The following ADCY2 variants were observed in gnomAD, a reference collection of about 807,000 sequenced individuals.
The protein encoded by ADCY2 is adenylate cyclase type 2.
Under a neutral mutation model 125.2 loss-of-function variants are expected in ADCY2, and 31 were observed. That is an observed-to-expected ratio of 0.25 (90% CI 0.19 to 0.33). The LOEUF (loss-of-function observed/expected upper bound fraction) is 0.33, where lower values mean the gene tolerates loss of function less well. Among genes scored for constraint, ADCY2 ranks in the 10% least tolerant of loss-of-function variants. The pLI, the probability that ADCY2 is intolerant of heterozygous loss-of-function variation, is 1.00. For synonymous variants in ADCY2, 512 were observed against 548.4 expected (o/e 0.93, Z 0.93); for missense variants, 904 against 1,418.2 (o/e 0.64, Z 5.82).
chr5:7,477,876 A>G (rs555052303), intron 2 of ADCY2, among the ~76,000 whole-genome samples: 1 of 152,118 alleles, frequency 6.6e-6, no homozygotes, highest in East Asian at 1.9e-4. Context: ...ATATTTAATT[A>G]CATCAGATAT....
chr5:7,590,951 G>A (rs1736833745), intron 3 of ADCY2, among the ~76,000 whole-genome samples: 1 of 151,980 alleles, frequency 6.6e-6, no homozygotes, highest in African/African-American at 2.4e-5. Context: ...TGGAAAAAGT[G>A]GTTGCTTTTC....
chr5:7,770,490 A>G (rs551679721), intron 17 of ADCY2, among the ~76,000 whole-genome samples: 1 of 152,214 alleles, frequency 6.6e-6, no homozygotes, highest in African/African-American at 2.4e-5. Context: ...CAAAACTTAC[A>G]AAGGACTTTA....
At chr5:7,588,279 TA>T (rs1302649921) in intron 3 of ADCY2, among the ~76,000 whole-genome samples, 1 of 151,984 alleles carries the variant, frequency 6.6e-6, no homozygotes, top group African/African-American at 2.4e-5. Context: ...CTGAAACACA[TA>T]AAAAAATCCA....
At chr5:7,611,680 T>C (rs1259694732) in intron 3 of ADCY2, among the ~76,000 whole-genome samples, 2 of 152,196 alleles carry the variant, frequency 1.3e-5, no homozygotes, top group African/African-American at 4.8e-5. Context: ...AGAGTTTATT[T>C]TGACCATGAC....
At chr5:7,472,196 A>G (rs1742364902) in intron 2 of ADCY2, among the ~76,000 whole-genome samples, 2 of 152,144 alleles carry the variant, frequency 1.3e-5, no homozygotes, top group Non-Finnish European at 2.9e-5. Flanking sequence ...CTGGAATGCA[A>G]TGTTCTATTT....
chr5:7,749,266 C>T (rs1239438291), intron 15 of ADCY2, among the ~76,000 whole-genome samples: 3 of 152,074 alleles, frequency 2.0e-5, no homozygotes, highest in Admixed American at 6.5e-5. Context: ...TCTTAAAAGA[C>T]ATTTGATAAT....
Position 7,781,682 on chromosome 5 carries a change from C to G in ADCY2, c.2385-2683C>G, listed in dbSNP as rs149789545. ...GATACATTTGTGTTATTTTAAGTCA[C>G]CTAGTTTATGCTACCTCGTTATAGC... On this transcript the variant is annotated intron_variant, in intron 18 of 24. Coordinates refer to ENST00000338316, the MANE Select transcript of ADCY2 (RefSeq NM_020546.3). 2.8e-3 allele frequency among the ~76,000 whole-genome samples: 429 copies of G among 152,316 alleles called. 6 individuals are homozygous for G. Among genetic ancestry groups the G allele is most frequent in the East Asian group, 0.013 (66 of 5,184 alleles).
At chr5:7,607,101 A>C (rs1415417737) in intron 3 of ADCY2, among the ~76,000 whole-genome samples, 1 of 152,080 alleles carries the variant, frequency 6.6e-6, no homozygotes. Flanking sequence ...CCTCAGCTTC[A>C]TCTGAGTTTA....
chr5:7,464,736 G>T (rs1017503426), intron 2 of ADCY2, among the ~76,000 whole-genome samples: 1 of 152,180 alleles, frequency 6.6e-6, no homozygotes, highest in African/African-American at 2.4e-5. Flanking sequence ...AAGAGTAGGT[G>T]GTGGTAAGAG....
At chr5:7,744,392 A>T (rs552154327) in intron 15 of ADCY2, among the ~76,000 whole-genome samples, 6 of 151,310 alleles carry the variant, frequency 4.0e-5, no homozygotes, top group African/African-American at 1.2e-4. Flanking sequence ...GTAAAATTTA[A>T]AAAAAAAAGT....
At chr5:7,654,027 G>A (rs747659962) in intron 4 of ADCY2, 2 of 456,102 alleles carry the variant, frequency 4.4e-6, no homozygotes, top group Middle Eastern at 6.5e-4. Context: ...ATGGACCTGC[G>A]CTGGGCCAGA....
intron 24 of ADCY2, among the ~76,000 whole-genome samples, chr5:7,823,845 C>T (rs1391954972): frequency 6.6e-6 from 1 of 152,120 alleles, no homozygotes; most frequent in East Asian, 1.9e-4. Context: ...AGTTTGAGCT[C>T]ATATGTGTCT....
At position 7,826,705 on chromosome 5, in the gene ADCY2, C is replaced by T. The variant is rs1441597731; in HGVS notation, c.3124-14C>T. 1.9e-6 allele frequency: 3 copies of T among 1,613,822 alleles called. No individual in the cohort carries two copies. The highest frequency in any genetic ancestry group is 3.3e-5 in the Admixed American group (2 of 59,992). On this transcript the variant is annotated splice_polypyrimidine_tract_variant and intron_variant, in intron 24 of 24. Transcript: ENST00000338316. ...TGTACTAAGCCCGTTTTCCCGTGTT[C>T]CTGTGCCTTCTAGGTTACCGAGGAG...
chr5:7,498,438 C>T (rs1338878608), intron 2 of ADCY2, among the ~76,000 whole-genome samples: 1 of 151,600 alleles, frequency 6.6e-6, no homozygotes, highest in African/African-American at 2.4e-5. Flanking sequence ...TTAGTAGAGA[C>T]GGGGTTTCAC....
intron 3 of ADCY2, among the ~76,000 whole-genome samples, chr5:7,573,866 C>G (rs556272900): frequency 1.4e-5 from 2 of 139,588 alleles, no homozygotes; most frequent in African/African-American, 2.6e-5. Context: ...CCCACTAACT[C>G]GTCATCTAGC....
intron 16 of ADCY2, among the ~76,000 whole-genome samples, chr5:7,765,912 C>G (rs947464986): frequency 1.3e-5 from 2 of 152,040 alleles, no homozygotes; most frequent in Non-Finnish European, 2.9e-5. Context: ...CTGTGTGCAG[C>G]TTCTGTAGGA....
At chr5:7,582,089 T>G (rs954042407) in intron 3 of ADCY2, among the ~76,000 whole-genome samples, 2 of 152,124 alleles carry the variant, frequency 1.3e-5, no homozygotes, top group African/African-American at 4.8e-5. Context: ...AAAAGATAAG[T>G]AGGCAAACAG....
At chr5:7,669,644 T>A (rs758929320) in intron 4 of ADCY2, among the ~76,000 whole-genome samples, 19 of 152,152 alleles carry the variant, frequency 1.2e-4, no homozygotes, top group Non-Finnish European at 2.2e-4. Flanking sequence ...AAAAGGTAAG[T>A]TTTTGTGGGG....
At chr5:7,729,722 AT>A (rs1047427620) in intron 14 of ADCY2, among the ~76,000 whole-genome samples, 14 of 149,140 alleles carry the variant, frequency 9.4e-5, no homozygotes, top group South Asian at 2.1e-4. Context: ...AAGTATATAT[AT>A]TTTTTTCATT....
Sources: allele counts gnomAD v4.1 joint callset (sites outside exome capture counted in the v4.1 genomes callset), GRCh38; gene constraint gnomAD v4.1.1; transcripts MANE v1.5; gene names NCBI Gene and HGNC (gene_info 2026-07-23, HGNC 2026-07-21).